MTMR3: variants seen among roughly 807,000 people sequenced by gnomAD.
MTMR3 encodes the protein myotubularin related protein 3.
In MTMR3, 32 loss-of-function variants were observed where a neutral mutation model predicts 132.4. The ratio of observed to expected loss-of-function variants is 0.24; its 90% confidence interval spans 0.18 to 0.32. MTMR3 has a LOEUF of 0.32. MTMR3 is among the 10% of genes least tolerant of loss of function. The pLI is 1.00. For synonymous variants in MTMR3, 556 were observed against 550.3 expected, an observed-to-expected ratio of 1.01 and a Z score of -0.14; for missense variants, 1,216 against 1,489.6, an observed-to-expected ratio of 0.82 and a Z score of 3.02.
At chr22:29,946,369 A>T (rs532095002) in intron 1 of MTMR3, among the ~76,000 whole-genome samples, 1 of 152,138 alleles carries the variant, frequency 6.6e-6, no homozygotes, top group African/African-American at 2.4e-5. Context: ...ATCTGTGGTC[A>T]TGTGCTAGCA....
chr22:29,981,418 G>A (rs1274254996), intron 5 of MTMR3: 1 of 152,182 alleles, frequency 6.6e-6, no homozygotes, highest in Non-Finnish European at 1.5e-5. Flanking sequence ...TTGTGATTGA[G>A]AGATAATGCT....
intron 5 of MTMR3, chr22:29,987,196 AC>A (rs1445717509): frequency 6.6e-6 from 1 of 152,126 alleles, no homozygotes; most frequent in Non-Finnish European, 1.5e-5. Context: ...CTCTTCTTTA[AC>A]CCCTGCTCCA....
intron 5 of MTMR3, chr22:29,987,726 G>T (rs959985751): frequency 2.6e-5 from 4 of 152,194 alleles, no homozygotes; most frequent in African/African-American, 9.7e-5. Context: ...GTCCAGTAGA[G>T]TCTGTAGACC....
intron 3 of MTMR3, among the ~76,000 whole-genome samples, chr22:29,976,466 C>T (rs1051046273): frequency 2.6e-5 from 4 of 152,066 alleles, no homozygotes; most frequent in Non-Finnish European, 4.4e-5. Flanking sequence ...TTTGTGACAC[C>T]GTAATATTGC....
At chr22:29,969,306 C>G (rs577691411) in intron 2 of MTMR3, among the ~76,000 whole-genome samples, 14 of 152,290 alleles carry the variant, frequency 9.2e-5, no homozygotes, top group South Asian at 4.1e-4. Flanking sequence ...CTTGACTTCT[C>G]TTTTTCTATC....
intron 9 of MTMR3, chr22:30,005,448 G>A (rs750113510): frequency 6.6e-6 from 1 of 152,230 alleles, no homozygotes; most frequent in Non-Finnish European, 1.5e-5. Flanking sequence ...CTGCTGGGAA[G>A]CATTGAAGAA....
intron 9 of MTMR3, 90 bp from the exon 10 acceptor site, chr22:30,007,024 G>C: frequency 5.1e-6 from 7 of 1,361,730 alleles, no homozygotes; most frequent in Non-Finnish European, 7.1e-6. Context: ...CCTAGAATTA[G>C]ACTGTTCATT....
At position 29,888,079 on chromosome 22, in the gene MTMR3, A is replaced by ACGATCT. The variant is rs1281950117; in HGVS notation, c.-138+4723_-138+4728dup. ...TTTGCCCAGGCTAGAGTGCAGTGGC[A>ACGATCT]CGATCTCGGCTCACTGTAACCTCTG... is the stretch of plus-strand genomic sequence containing the variant. On this transcript the variant is annotated intron_variant, in intron 1 of 19. Transcript: ENST00000401950. Among the ~76,000 whole-genome samples the ACGATCT allele has an allele frequency of 2.0e-5, 3 of 151,928 alleles. No homozygotes were observed. The East Asian group carries it at 5.8e-4, about 29-fold the overall frequency.
chr22:29,981,148 A>G (rs2066735207), intron 5 of MTMR3: 1 of 152,118 alleles, frequency 6.6e-6, no homozygotes, highest in African/African-American at 2.4e-5. Context: ...CTTTTATAAC[A>G]TTTACCAAAT....
intron 1 of MTMR3, among the ~76,000 whole-genome samples, chr22:29,905,977 C>T (rs1159808824): frequency 2.0e-5 from 3 of 152,134 alleles, no homozygotes; most frequent in Non-Finnish European, 4.4e-5. Flanking sequence ...AAGTTCTGAG[C>T]ATCTGAAAGT....
chr22:29,884,027 C>A (rs985960179), intron 1 of MTMR3, among the ~76,000 whole-genome samples: 3 of 152,080 alleles, frequency 2.0e-5, no homozygotes, highest in Non-Finnish European at 4.4e-5. Context: ...ATTTCCGGAC[C>A]CATAAGATGA....
chr22:29,887,860 G>C (rs760816553), intron 1 of MTMR3, among the ~76,000 whole-genome samples: 6 of 151,740 alleles, frequency 4.0e-5, no homozygotes, highest in Non-Finnish European at 8.8e-5. Flanking sequence ...TCAGTACATT[G>C]CATAAAGTAA....
At chr22:29,888,517 A>G (rs1334293495) in intron 1 of MTMR3, among the ~76,000 whole-genome samples, 1 of 152,232 alleles carries the variant, frequency 6.6e-6, no homozygotes, top group Non-Finnish European at 1.5e-5. Flanking sequence ...CTATTCTGTT[A>G]GTGGTGAAAT....
chr22:29,915,469 TGGAGTG>T (rs2065290957), intron 1 of MTMR3, among the ~76,000 whole-genome samples: 1 of 152,230 alleles, frequency 6.6e-6, no homozygotes, highest in African/African-American at 2.4e-5. Flanking sequence ...CCACCCAGGC[TGGAGTG>T]CAGTGATGCC....
intron 10 of MTMR3, chr22:30,007,640 C>T (rs543167841): frequency 1.6e-5 from 9 of 561,474 alleles, no homozygotes; most frequent in African/African-American, 1.5e-4. Context: ...ACAACAGATA[C>T]AGAAATGAAG....
At position 30,002,978 on chromosome 22, in the gene MTMR3, C is replaced by G; in HGVS notation, c.656C>G (p.Pro219Arg). 6.2e-7 allele frequency: 1 copy of G among 1,614,000 alleles called. No homozygotes were observed. Among genetic ancestry groups the G allele is most frequent in the East Asian group, 2.2e-5 (1 of 44,886 alleles). The change falls in exon 9 of 20, where the codon CCT becomes CGT. Residue 219 changes from proline to arginine, a missense_variant. Physicochemically the swap from Pro to Arg is moderately radical, Grantham distance 103 (BLOSUM62 -2). Around this residue, in one of 7 missense-constraint regions of MTMR3, gnomAD observed 129 missense variants for 245.7 expected, o/e 0.53. Coordinates refer to ENST00000401950, the MANE Select transcript of MTMR3 (RefSeq NM_021090.4). The part of the protein sequence containing the change: ...VSSFRSWKRI[P>R]AVIYRHQSNG... ...AGTTTCAGGTCCTGGAAGCGCATCC[C>G]TGCCGTCATCTACAGGTAAGTTAAA...
intron 6 of MTMR3, chr22:29,990,357 T>C (rs1402209756): frequency 1.3e-5 from 2 of 152,196 alleles, no homozygotes; most frequent in Non-Finnish European, 2.9e-5. Context: ...GTAAATATTA[T>C]GTGTTGGCAT....
intron 1 of MTMR3, among the ~76,000 whole-genome samples, chr22:29,952,221 C>A (rs369250779): frequency 3.9e-5 from 6 of 151,956 alleles, no homozygotes; most frequent in African/African-American, 1.4e-4. Context: ...AGATTTTTTT[C>A]CCCCTCGGGA....
chr22:30,009,171 ATAAT>A, intron 12 of MTMR3, 42 bp downstream of exon 12: 1 of 1,332,460 alleles, frequency 7.5e-7, no homozygotes, highest in Non-Finnish European at 1.1e-6. Flanking sequence ...TTGCTCTTAA[ATAAT>A]AAGTTTGCTT....
Sources: gnomAD v4.1 joint callset for allele counts (sites outside exome capture counted in the v4.1 genomes callset) on GRCh38, gnomAD v4.1.1 for gene constraint, gnomAD v4.1.1 regional missense constraint, MANE v1.5 for transcripts, NCBI Gene and HGNC (gene_info 2026-07-23, HGNC 2026-07-21) for gene names.